The following STK11IP variants were observed in gnomAD, a reference collection of about 807,000 sequenced individuals.
The protein encoded by STK11IP is serine/threonine kinase 11 interacting protein.
STK11IP carries 103 observed loss-of-function variants against 131.7 expected under a neutral mutation model. That is an observed-to-expected ratio of 0.78 (90% CI 0.67 to 0.92). The LOEUF (loss-of-function observed/expected upper bound fraction) is 0.92, where lower values mean the gene tolerates loss of function less well. STK11IP is among the 40% of genes least tolerant of loss of function. STK11IP has a pLI of 0.00. For synonymous variants in STK11IP, 557 were observed against 575.6 expected (o/e 0.97, Z 0.46); for missense variants, 1,315 against 1,385.7 (o/e 0.95, Z 0.81).
At chr2:219,604,308 G>A (rs1698084060) in intron 7 of STK11IP, among the ~76,000 whole-genome samples, 1 of 152,194 alleles carries the variant, frequency 6.6e-6, no homozygotes. Context: ...GAACAAGTCT[G>A]CAGTTCTTAA....
rs1264501266 is a variant in STK11IP at position 219,613,154 on chromosome 2, T to TGG, written c.2469_2470dup (p.Glu824GlyfsTer17). 6.2e-7 allele frequency: 1 copy of TGG among 1,610,706 alleles called. No homozygotes were observed. Among genetic ancestry groups the TGG allele is most frequent in the South Asian group, 1.1e-5 (1 of 91,012 alleles). On this transcript the variant is annotated frameshift_variant, in exon 20 of 25. Coordinates refer to ENST00000456909, the MANE Select transcript of STK11IP (RefSeq NM_052902.4). LOFTEE classifies it high-confidence loss of function. ...TGCCAGTGGCATTGGCAGGCCACAC[T>TGG]GGGGAGTTCATGTGCCTTGTGGTTG...
intron 5 of STK11IP, 117 bp from the exon 6 acceptor site, chr2:219,602,351 A>G (rs1698014988): frequency 1.3e-6 from 1 of 795,202 alleles, no homozygotes; most frequent in Non-Finnish European, 2.0e-6. Flanking sequence ...TTAAGCCTGT[A>G]TCTTCAGATG....
intron 20 of STK11IP, among the ~76,000 whole-genome samples, chr2:219,613,537 T>G (rs907622776): frequency 5.7e-5 from 1 of 17,408 alleles, no homozygotes. Context: ...ATGGGGTGAG[T>G]GGGGGGCGGA....
intron 2 of STK11IP, among the ~76,000 whole-genome samples, chr2:219,600,059 G>GTTTTTTTTTTTTTTTTTTTTTTTT (rs57060581): frequency 1.1e-5 from 1 of 91,700 alleles, no homozygotes; most frequent in African/African-American, 4.9e-5. Context: ...TTTTGTTTTT[G>GTTTTTTTTTTTTTTTTTTTTTTTT]TTTTTTTTTT....
At chr2:219,609,712 G>T in intron 17 of STK11IP, 172 bp downstream of exon 17, 1 of 710,242 alleles carries the variant, frequency 1.4e-6, no homozygotes, top group South Asian at 1.9e-5. Context: ...TTTACAAAAA[G>T]GAAAACAGAA....
intron 7 of STK11IP, among the ~76,000 whole-genome samples, chr2:219,603,036 GTTTTTTTTTTTT>G (rs750626798): frequency 8.4e-6 from 1 of 118,744 alleles, no homozygotes; most frequent in Non-Finnish European, 1.7e-5. Flanking sequence ...AGAGTACCTG[GTTTTTTTTTTTT>G]TTTTTTTTTT....
In STK11IP at chr2:219,611,812, TGG is replaced by T. The variant is rs1164118691; in HGVS notation, c.2314_2315del (p.Gly772Ter). 6.2e-7 allele frequency: 1 copy of T among 1,612,440 alleles called. No individual in the cohort carries two copies. Among genetic ancestry groups the T allele is most frequent in the African/African-American group, 1.3e-5 (1 of 74,904 alleles). ...CTCAGGCACCGAGCACCCGTGACCA[TGG>T]TAGTTGGAGCCTCAGTCCCCGTGAG... ...PPQAPSTRDH[G>X]SWSLSPPPER... On this transcript the variant is annotated frameshift_variant, in exon 18 of 25. Transcript: ENST00000456909. LOFTEE classifies it high-confidence loss of function.
chr2:219,607,236 G>T, intron 13 of STK11IP, 99 bp downstream of exon 13: 1 of 1,258,180 alleles, frequency 7.9e-7, no homozygotes, highest in East Asian at 2.5e-5. Context: ...GTTATTTTTT[G>T]TTGGGGTAGA....
intron 11 of STK11IP, 26 bp downstream of exon 11, chr2:219,606,543 T>G: frequency 6.2e-7 from 1 of 1,612,164 alleles, no homozygotes; most frequent in East Asian, 2.2e-5. Context: ...GGGCGAGGAC[T>G]GTTGGGGGAA....
intron 2 of STK11IP, among the ~76,000 whole-genome samples, chr2:219,600,618 C>T (rs891907855): frequency 2.6e-5 from 4 of 152,152 alleles, no homozygotes; most frequent in African/African-American, 9.7e-5. Context: ...AAAAGATGCC[C>T]TCAAGGATGA....
chr2:219,597,906 A>G lies in STK11IP; in HGVS notation c.-44A>G. On this transcript the variant is annotated 5_prime_UTR_variant, in exon 1 of 25. Transcript: ENST00000456909. ...GCCGGGCAGCTGAGCTGGTAGGAGG[A>G]CCAGACGGGGAGGTTCGGTATGTCT... is the stretch of plus-strand genomic sequence containing the variant. 1.9e-6 allele frequency: 3 copies of G among 1,611,340 alleles called. No homozygotes were observed. In the South Asian group the frequency reaches 3.3e-5, roughly 18 times the overall value.
In STK11IP at chr2:219,600,048, TTTTTG is replaced by T. The variant is rs1172585451; in HGVS notation, c.62-1182_62-1178del. Among the ~76,000 whole-genome samples the T allele has an allele frequency of 1.3e-3, 180 of 140,106 alleles. 1 individual carries two copies. The highest frequency in any genetic ancestry group is 5.1e-3 in the African/African-American group (171 of 33,740). 91.9% of individuals were successfully genotyped at this position (140,106 alleles called of 152,430 possible). ...ACCACGCCTGCCCTTTGTGTTTTTT[TTTTTG>T]TTTTTGTTTTTTTTTTTTTTTTTTT... is the stretch of plus-strand genomic sequence containing the variant. On this transcript the variant is annotated intron_variant, in intron 2 of 24. Coordinates refer to ENST00000456909, the MANE Select transcript of STK11IP (RefSeq NM_052902.4).
Position 219,609,196 on chromosome 2 carries a change from GC to G in STK11IP, c.1912del (p.His638ThrfsTer11). 1 of 1,605,374 alleles carries G rather than the reference GC, an allele frequency of 6.2e-7. No individual in the cohort carries two copies. Among genetic ancestry groups the G allele is most frequent in the South Asian group, 1.1e-5 (1 of 89,328 alleles). On this transcript the variant is annotated frameshift_variant, in exon 16 of 25. Coordinates refer to ENST00000456909, the MANE Select transcript of STK11IP (RefSeq NM_052902.4). LOFTEE classifies it high-confidence loss of function. ...TCGCTATTTGGTGCTGGAGCCTGAT[GC>G]CCACGCAGCTGTCCAGGTGATGGCG... ...LRRYLVLEPD[A>X]HAAVQELLAV...
At chr2:219,609,071 C>T (rs565217755) in intron 15 of STK11IP, 26 bp from the exon 16 acceptor site, 69 of 1,529,966 alleles carry the variant, frequency 4.5e-5, no homozygotes, top group Non-Finnish European at 6.1e-5. Flanking sequence ...TGCTGTTTTT[C>T]ACCCGGTCCC....
At chr2:219,598,330 C>A in intron 2 of STK11IP, 150 bp downstream of exon 2, 1 of 616,420 alleles carries the variant, frequency 1.6e-6, no homozygotes, top group Non-Finnish European at 2.7e-6. Flanking sequence ...CAGGTTTGTT[C>A]GCCCTTACAG....
At chr2:219,609,666 T>C in intron 17 of STK11IP, 126 bp downstream of exon 17, 2 of 1,131,060 alleles carry the variant, frequency 1.8e-6, no homozygotes, top group South Asian at 1.4e-5. Flanking sequence ...GCAGTTGTTC[T>C]GCCTGGAGGA....
Position 219,608,747 on chromosome 2 carries a change from A to C in STK11IP, c.1768A>C (p.Ile590Leu), listed in dbSNP as rs1350529552. Residue 590 changes from isoleucine to leucine, a missense_variant, in exon 15 of 25, where the codon ATA becomes CTA. Physicochemically the swap from Ile to Leu is conservative, Grantham distance 5 (BLOSUM62 2). Coordinates refer to ENST00000456909, the MANE Select transcript of STK11IP (RefSeq NM_052902.4). ...GCTCCAGAGTCTGGAGGCAGCTGAG[A>C]TAGAGCCGGAGGCCCAGGCCCAGAG... ...LELQSLEAAE[I>L]EPEAQAQRSP... is the part of the protein sequence containing the mutation. The C allele has an allele frequency of 2.5e-6, 4 of 1,611,512 alleles. No individual in the cohort carries two copies. Among genetic ancestry groups the C allele is most frequent in the Non-Finnish European group, 3.4e-6 (4 of 1,179,240 alleles).
chr2:219,600,960 C>T lies in STK11IP; in HGVS notation c.62-275C>T, dbSNP rs779079943. On this transcript the variant is annotated intron_variant, in intron 2 of 24. Transcript: ENST00000456909. ...TCCAGCACTGTCAGTAGATGAGGCT[C>T]TTTTGAGCAGAAGGTGAAAGAAAAT... 2.0e-5 allele frequency among the ~76,000 whole-genome samples: 3 copies of T among 152,264 alleles called. 1 individual carries two copies. In the South Asian group the frequency reaches 6.2e-4, roughly 32 times the overall value.
At position 219,609,215 on chromosome 2, in the gene STK11IP, T is replaced by G; in HGVS notation, c.1926+2T>G. 1 of 1,596,036 alleles carries G rather than the reference T, an allele frequency of 6.3e-7. No individual in the cohort carries two copies. Reference sequence around the variant, plus strand: ...CCTGATGCCCACGCAGCTGTCCAGGTGATGGCGCCCAGAGTGGGGGCCCAG... The same window carrying G: ...CCTGATGCCCACGCAGCTGTCCAGGGGATGGCGCCCAGAGTGGGGGCCCAG... On this transcript the variant is annotated splice_donor_variant, in intron 16 of 24. Coordinates refer to ENST00000456909, the MANE Select transcript of STK11IP (RefSeq NM_052902.4). LOFTEE classifies it high-confidence loss of function.
Sources: gnomAD v4.1 joint callset for allele counts (sites outside exome capture counted in the v4.1 genomes callset) on GRCh38, gnomAD v4.1.1 for gene constraint, MANE v1.5 for transcripts, NCBI Gene and HGNC (gene_info 2026-07-23, HGNC 2026-07-21) for gene names.